The following CHST3 variants were observed in gnomAD, a reference collection of about 807,000 sequenced individuals.
CHST3 encodes C6ST-1.
Under a neutral mutation model 35.4 loss-of-function variants are expected in CHST3, and 20 were observed. The ratio of observed to expected loss-of-function variants is 0.57; its 90% CI spans 0.40 to 0.82. The LOEUF (loss-of-function observed/expected upper bound fraction) is 0.82. Ranked by LOEUF, CHST3 falls within the 40% of genes least tolerant of loss-of-function variation. The probability of loss-of-function intolerance (pLI) is 0.00; values close to 1 mark genes in which losing one functional copy is unlikely to be tolerated. For missense variants in CHST3, 693 were observed against 670.1 expected (o/e 1.03, Z -0.38); for synonymous variants, 334 against 295.9 (o/e 1.13, Z -1.32).
rs760264135 is a variant in CHST3, at chr10:72,008,528, G to T, written c.*57G>T. On this transcript the variant is annotated 3_prime_UTR_variant, in exon 3 of 3. Coordinates refer to ENST00000373115, the MANE Select transcript of CHST3 (RefSeq NM_004273.5). ...GAAAGGCCTGCCCCGTCTTTCTGCC[G>T]CAGCCCTCGCAGAGGGCGGGTGCAC... 30 of 1,454,472 alleles carry T rather than the reference G, an allele frequency of 2.1e-5. No homozygotes were observed. Among genetic ancestry groups the T allele is most frequent in the Admixed American group, 2.8e-5 (1 of 36,314 alleles). The allele number at this position is 1,454,472 out of a possible 1,614,324, so 90.1% of individuals were successfully genotyped here. A position where few individuals can be genotyped will look rare whatever the true frequency, so the allele number is the denominator to read the frequency against.
intron 1 of CHST3, among the ~76,000 whole-genome samples, chr10:71,978,326 A>AT (rs1839767152): frequency 6.6e-6 from 1 of 150,904 alleles, no homozygotes; most frequent in Non-Finnish European, 1.5e-5. Context: ...AGATCACACC[A>AT]TTGCACTCCA....
chr10:71,989,240 C>T (rs149400978), intron 1 of CHST3, among the ~76,000 whole-genome samples: 105 of 152,120 alleles, frequency 6.9e-4, no homozygotes, highest in African/African-American at 1.2e-3. Flanking sequence ...CCCAGGAGTT[C>T]GAGACAAGCC....
intron 1 of CHST3, among the ~76,000 whole-genome samples, chr10:71,978,199 G>A (rs779398716): frequency 6.6e-6 from 1 of 152,136 alleles, no homozygotes; most frequent in Non-Finnish European, 1.5e-5. Context: ...TGACCAACAA[G>A]GTGATACCCC....
intron 1 of CHST3, among the ~76,000 whole-genome samples, chr10:71,980,300 G>T (rs373579454): frequency 6.6e-6 from 1 of 152,276 alleles, no homozygotes; most frequent in African/African-American, 2.4e-5. Flanking sequence ...AAGATCACTT[G>T]AGCCCAGGGG....
chr10:71,983,232 C>G (rs537654482), intron 1 of CHST3, among the ~76,000 whole-genome samples: 3 of 152,324 alleles, frequency 2.0e-5, no homozygotes, highest in East Asian at 3.9e-4. Context: ...GACCCGCAGG[C>G]CTGCTCAGTC....
intron 1 of CHST3, among the ~76,000 whole-genome samples, chr10:71,993,812 C>G (rs1047502066): frequency 3.3e-5 from 5 of 152,004 alleles, no homozygotes; most frequent in African/African-American, 9.6e-5. Flanking sequence ...TAAAAATTAG[C>G]CAGGAGGCCG....
chr10:72,008,741 G>T lies in CHST3; in HGVS notation c.*270G>T, dbSNP rs1370961537. On this transcript the variant is annotated 3_prime_UTR_variant, in exon 3 of 3. Coordinates refer to ENST00000373115, the MANE Select transcript of CHST3 (RefSeq NM_004273.5). ...TAGGCAGGCCCGGGCCTGTTGGCAA[G>T]CTTCGATCTCACACACACAGAAACA... 19 of 456,274 alleles carry T rather than the reference G, an allele frequency of 4.2e-5. No individual in the cohort carries two copies. The highest frequency in any genetic ancestry group is 2.2e-5 in the Non-Finnish European group (6 of 269,200). The allele number at this position is 456,274 out of a possible 1,614,324, so 28.3% of individuals were successfully genotyped here.
At chr10:71,997,988 A>C (rs955022400) in intron 1 of CHST3, among the ~76,000 whole-genome samples, 3 of 152,118 alleles carry the variant, frequency 2.0e-5, no homozygotes, top group African/African-American at 7.2e-5. Flanking sequence ...TTAAGAAAAA[A>C]TGTAGCCAGG....
At chr10:72,001,796 G>A (rs74942461) in intron 1 of CHST3, among the ~76,000 whole-genome samples, 3,200 of 152,234 alleles carry the variant, frequency 0.021, 94 homozygotes, top group African/African-American at 0.06. Flanking sequence ...AGTACTAGGG[G>A]CTAGGAGGGA....
At chr10:71,994,933 G>C (rs1839926210) in intron 1 of CHST3, among the ~76,000 whole-genome samples, 1 of 152,182 alleles carries the variant, frequency 6.6e-6, no homozygotes, top group Non-Finnish European at 1.5e-5. Flanking sequence ...ATTTTCTGCA[G>C]CTTCCTTGTC....
chr10:71,997,682 ATTT>A (rs35366073), intron 1 of CHST3, among the ~76,000 whole-genome samples: 4 of 135,398 alleles, frequency 3.0e-5, no homozygotes, highest in Non-Finnish European at 3.1e-5. Context: ...GTCTCCATAA[ATTT>A]TTTTTTTTTT....
At chr10:71,978,883 T>G (rs924144112) in intron 1 of CHST3, among the ~76,000 whole-genome samples, 2 of 152,210 alleles carry the variant, frequency 1.3e-5, no homozygotes, top group Non-Finnish European at 2.9e-5. Context: ...GAGGCACAGA[T>G]AGACGATGTC....
chr10:72,000,080 A>G (rs1373675114), intron 1 of CHST3, among the ~76,000 whole-genome samples: 5 of 152,216 alleles, frequency 3.3e-5, no homozygotes, highest in Non-Finnish European at 5.9e-5. Flanking sequence ...CGCCCTCAGC[A>G]TGCACCTGTG....
rs192726256 is a variant in CHST3, at chr10:71,966,130, G to C, written c.-108+1436G>C. Among the ~76,000 whole-genome samples the C allele has an allele frequency of 1.5e-3, 221 of 152,242 alleles. 4 individuals carry two copies. Among genetic ancestry groups the C allele is most frequent in the Admixed American group, 0.013 (196 of 15,302 alleles). On this transcript the variant is annotated intron_variant, in intron 1 of 2. Transcript: ENST00000373115. ...GCTGGAGAAGAGGGGTGGGTAAGTG[G>C]AGAAAGAGATGGGCCGTGCTGCTGG...
At chr10:72,002,071 C>G (rs1373507387) in intron 1 of CHST3, among the ~76,000 whole-genome samples, 1 of 152,162 alleles carries the variant, frequency 6.6e-6, no homozygotes, top group Non-Finnish European at 1.5e-5. Context: ...CCGCTTCTGG[C>G]TCTGGGAAGC....
chr10:71,990,963 T>A (rs536791057), intron 1 of CHST3, among the ~76,000 whole-genome samples: 2 of 152,340 alleles, frequency 1.3e-5, no homozygotes, highest in East Asian at 3.9e-4. Context: ...AGGCTTGTTT[T>A]TTCTCTTGCG....
intron 1 of CHST3, among the ~76,000 whole-genome samples, 200 bp downstream of exon 1, chr10:71,964,894 C>T (rs1485961412): frequency 6.6e-6 from 1 of 152,256 alleles, no homozygotes; most frequent in Non-Finnish European, 1.5e-5. Flanking sequence ...CGGATCACAC[C>T]TGCCAGGTAC....
chr10:71,987,120 G>A (rs753784875), intron 1 of CHST3, among the ~76,000 whole-genome samples: 4 of 152,004 alleles, frequency 2.6e-5, no homozygotes, highest in African/African-American at 4.8e-5. Flanking sequence ...CTCCTCTGTG[G>A]CCATAGATCA....
chr10:72,004,199 T>C (rs1336027032), intron 1 of CHST3, among the ~76,000 whole-genome samples: 1 of 152,118 alleles, frequency 6.6e-6, no homozygotes, highest in Non-Finnish European at 1.5e-5. Flanking sequence ...ATACATACTA[T>C]TTCAGTCGAG....
Sources: allele counts gnomAD v4.1 joint callset (sites outside exome capture counted in the v4.1 genomes callset), GRCh38; gene constraint gnomAD v4.1.1; transcripts MANE v1.5; gene names NCBI Gene and HGNC (gene_info 2026-07-23, HGNC 2026-07-21).